The following SLC20A2 variants were observed in gnomAD, a reference collection of about 807,000 sequenced individuals.
SLC20A2 encodes sodium-dependent phosphate transporter 2.
Under a neutral mutation model 61.0 loss-of-function variants are expected in SLC20A2, and 30 were observed. That is an observed-to-expected ratio of 0.49 (90% confidence interval 0.37 to 0.67). SLC20A2 has a LOEUF of 0.67. SLC20A2 is among the 30% of genes least tolerant of loss of function. The pLI is 0.00. For synonymous variants in SLC20A2, 351 were observed against 353.3 expected, an observed-to-expected ratio of 0.99 and a Z score of 0.07; for missense variants, 626 against 866.4, an observed-to-expected ratio of 0.72 and a Z score of 3.48.
At chr8:42,475,131 GCT>G (rs1023997390) in intron 1 of SLC20A2, among the ~76,000 whole-genome samples, 3 of 146,456 alleles carry the variant, frequency 2.0e-5, no homozygotes, top group African/African-American at 7.4e-5. Flanking sequence ...CCTTTTTTTT[GCT>G]CTGTCACCCA....
chr8:42,492,038 CCT>C (rs1383602807), intron 1 of SLC20A2, among the ~76,000 whole-genome samples: 1 of 152,166 alleles, frequency 6.6e-6, no homozygotes, highest in East Asian at 1.9e-4. Flanking sequence ...TTTACCCACA[CCT>C]CTTTCTTCTC....
chr8:42,479,026 CG>C (rs1200828268), intron 1 of SLC20A2, among the ~76,000 whole-genome samples: 4 of 152,036 alleles, frequency 2.6e-5, no homozygotes, highest in Non-Finnish European at 5.9e-5. Context: ...AGCGAGAAGA[CG>C]GATCGAGGAG....
chr8:42,517,999 G>A (rs1194190706), intron 1 of SLC20A2, among the ~76,000 whole-genome samples: 1 of 152,190 alleles, frequency 6.6e-6, no homozygotes, highest in Non-Finnish European at 1.5e-5. Context: ...GGAGCGCAGT[G>A]GTGCAATCTC....
At chr8:42,444,383 T>C (rs1036717412) in intron 6 of SLC20A2, among the ~76,000 whole-genome samples, 1 of 152,218 alleles carries the variant, frequency 6.6e-6, no homozygotes, top group Non-Finnish European at 1.5e-5. Context: ...CTAATGTTTT[T>C]CCACAGGCTG....
rs1253260874 is a variant in SLC20A2, at chr8:42,533,654, C to CTTTTTTTCTTTTTT, written c.-265+8166_-265+8167insAAAAAAGAAAAAAA. On this transcript the variant is annotated intron_variant, in intron 1 of 10. Coordinates refer to the SLC20A2 transcript ENST00000342228. Reference sequence around the variant, plus strand: ...TTAATGGCCTTAATGATCAACTGTTCTTTTTTTTTTTTTTTTTTTTTTGAG... The same window carrying CTTTTTTTCTTTTTT: ...TTAATGGCCTTAATGATCAACTGTTCTTTTTTTCTTTTTTTTTTTTTTTTTTTTTTTTTTTTGAG... Among the ~76,000 whole-genome samples the CTTTTTTTCTTTTTT allele has an allele frequency of 2.9e-3, 162 of 55,292 alleles. 19 individuals are homozygous for CTTTTTTTCTTTTTT. Among genetic ancestry groups the CTTTTTTTCTTTTTT allele is most frequent in the African/African-American group, 0.011 (136 of 12,380 alleles). The allele number at this position is 55,292 out of a possible 152,430, so 36.3% of individuals were successfully genotyped here. A position where few individuals can be genotyped will look rare whatever the true frequency, so the allele number is the denominator to read the frequency against.
At chr8:42,496,566 C>T (rs2131333468) in intron 1 of SLC20A2, among the ~76,000 whole-genome samples, 2 of 152,346 alleles carry the variant, frequency 1.3e-5, no homozygotes, top group East Asian at 3.9e-4. Flanking sequence ...AGAGCACTTA[C>T]TTGTGGCCTT....
intron 2 of SLC20A2, chr8:42,471,307 C>A: frequency 2.3e-6 from 1 of 443,746 alleles, no homozygotes; most frequent in Non-Finnish European, 4.5e-6. Flanking sequence ...ACCCACGGGG[C>A]CGAGATCTGT....
chr8:42,528,754 C>T (rs1229465868), intron 1 of SLC20A2, among the ~76,000 whole-genome samples: 1 of 151,022 alleles, frequency 6.6e-6, no homozygotes, highest in African/African-American at 2.4e-5. Flanking sequence ...ATAACCTCTG[C>T]CTCCTGGGTT....
In SLC20A2 at chr8:42,472,651, C is replaced by T. The variant is rs1807734829; in HGVS notation, c.-261G>A. 2.4e-6 allele frequency: 1 copy of T among 421,468 alleles called. No homozygotes were observed. Among genetic ancestry groups the T allele is most frequent in the African/African-American group, 2.0e-5 (1 of 50,248 alleles). The allele number at this position is 421,468 out of a possible 1,614,324, so 26.1% of individuals were successfully genotyped here. ...CCGATCTGGGAAAGCTGTGATGTCTCCTCCTGTAGCAGAAAGGAAACAAAA... is the reference window on the plus strand; with the variant it reads ...CCGATCTGGGAAAGCTGTGATGTCTTCTCCTGTAGCAGAAAGGAAACAAAA... On this transcript the variant is annotated 5_prime_UTR_variant, in exon 2 of 11. Coordinates refer to ENST00000520262, the MANE Select transcript of SLC20A2 (RefSeq NM_001257180.2). This position sits in a 1 kb window ranked among gnomAD's most constrained non-coding sequence, Gnocchi z 4.1.
At chr8:42,482,050 C>CA (rs1184422515) in intron 1 of SLC20A2, among the ~76,000 whole-genome samples, 6 of 152,104 alleles carry the variant, frequency 3.9e-5, no homozygotes, top group Admixed American at 2.6e-4. Flanking sequence ...AAGGAAACAG[C>CA]AAAAAATAAT....
rs1278033204 is a variant in SLC20A2 at position 42,437,115 on chromosome 8, G to A, written c.1397C>T (p.Pro466Leu). 4 of 1,613,900 alleles carry A rather than the reference G, an allele frequency of 2.5e-6. No individual in the cohort carries two copies. The highest frequency in any genetic ancestry group is 2.2e-5 in the East Asian group (1 of 44,876). Reference protein sequence around the residue: ...LASELADPDQPREDPAEEEKE... With the variant: ...LASELADPDQLREDPAEEEKE... The stretch of plus-strand genomic sequence containing the variant: ...CTCCTCCTCTGCAGGGTCCTCTCGC[G>A]GCTGGTCAGGGTCGGCCAGCTCCGA... The change falls in exon 8 of 11, where the codon CCG (proline) becomes CTG (leucine). Residue 466 changes from proline (P) to leucine (L), a missense_variant. Coordinates refer to ENST00000520262, the MANE Select transcript of SLC20A2 (RefSeq NM_001257180.2). The surrounding 1 kb of genome is among the most constrained non-coding windows in gnomAD (Gnocchi z 6.4).
intron 5 of SLC20A2, among the ~76,000 whole-genome samples, chr8:42,445,011 G>A (rs1045527436): frequency 1.3e-5 from 2 of 152,258 alleles, no homozygotes; most frequent in African/African-American, 2.4e-5. Context: ...CCAACTGGGG[G>A]CCAGGCATGG....
chr8:42,481,216 T>G (rs1009062333), intron 1 of SLC20A2, among the ~76,000 whole-genome samples: 2 of 152,162 alleles, frequency 1.3e-5, no homozygotes, highest in African/African-American at 4.8e-5. Context: ...TCATAGAACA[T>G]TAGGGTCTGA....
chr8:42,450,182 T>A (rs567672666), intron 5 of SLC20A2, among the ~76,000 whole-genome samples: 284 of 151,234 alleles, frequency 1.9e-3, no homozygotes, highest in African/African-American at 5.8e-3. Flanking sequence ...AAGTAAAAAA[T>A]ATATATATAT....
At chr8:42,423,591 G>A (rs765963291) in intron 10 of SLC20A2, among the ~76,000 whole-genome samples, 6 of 152,128 alleles carry the variant, frequency 3.9e-5, no homozygotes, top group South Asian at 2.1e-4. Context: ...GATCAGTAGC[G>A]TAAAAACTTG....
intron 8 of SLC20A2, among the ~76,000 whole-genome samples, chr8:42,436,213 C>T (rs900352679): frequency 6.6e-6 from 1 of 152,138 alleles, no homozygotes; most frequent in African/African-American, 2.4e-5. Flanking sequence ...CTGCCTCCTG[C>T]CTGCCTGCCT....
intron 5 of SLC20A2, among the ~76,000 whole-genome samples, chr8:42,451,931 AGAG>A (rs753239137): frequency 2.3e-4 from 23 of 101,600 alleles, no homozygotes; most frequent in Admixed American, 4.6e-4. Context: ...GAAGAGATGA[AGAG>A]GAGGAGGAGG....
chr8:42,505,042 T>C (rs1320892275), upstream of SLC20A2, among the ~76,000 whole-genome samples: 1 of 151,052 alleles, frequency 6.6e-6, no homozygotes, highest in African/African-American at 2.4e-5. Context: ...TTATGTGCAA[T>C]GTGCTATGGC....
At chr8:42,504,437 T>C (rs549566385), upstream of SLC20A2, among the ~76,000 whole-genome samples, 12 of 151,596 alleles carry the variant, frequency 7.9e-5, no homozygotes, top group East Asian at 7.7e-4. Context: ...CTGAGACAGA[T>C]AGAAGGGGAA....
Sources: gnomAD v4.1 joint callset for allele counts (sites outside exome capture counted in the v4.1 genomes callset) on GRCh38, gnomAD v4.1.1 for gene constraint, Gnocchi (gnomAD v3.1) non-coding constraint, MANE v1.5 for transcripts, NCBI Gene and HGNC (gene_info 2026-07-23, HGNC 2026-07-21) for gene names.